Variants in STOX2 observed in about 807,000 individuals in gnomAD.
The protein encoded by STOX2 is storkhead-box protein 2.
Under a neutral mutation model 60.9 loss-of-function variants are expected in STOX2, and 28 were observed. The ratio of observed to expected loss-of-function variants is 0.46; its 90% CI spans 0.34 to 0.63. STOX2 has a LOEUF of 0.63. STOX2 is among the 30% of genes least tolerant of loss of function. STOX2 has a pLI of 0.01. For missense variants in STOX2, 1,024 were observed against 1,187.7 expected (o/e 0.86, Z 2.03); for synonymous variants, 472 against 463.9 (o/e 1.02, Z -0.22).
intron 1 of STOX2, among the ~76,000 whole-genome samples, chr4:183,809,946 A>G (rs761550028): frequency 3.0e-4 from 45 of 152,210 alleles, no homozygotes; most frequent in Non-Finnish European, 5.9e-4. Flanking sequence ...CCAAAAAATT[A>G]TAGATAGGTT....
upstream of STOX2, among the ~76,000 whole-genome samples, chr4:183,902,982 G>A (rs529815244): frequency 4.1e-4 from 63 of 152,226 alleles, no homozygotes; most frequent in African/African-American, 1.3e-3. Flanking sequence ...CTCACCTCCC[G>A]TCTTTCATAT....
Position 183,798,072 on chromosome 4 carries a change from C to T in STOX2, c.364+17C>T, listed in dbSNP as rs570368531. The T allele has an allele frequency of 2.1e-4, 260 of 1,226,450 alleles. 3 individuals carry two copies. In the East Asian group the frequency reaches 8.3e-3, roughly 39 times the overall value. 76.0% of individuals were successfully genotyped at this position (1,226,450 alleles called of 1,614,324 possible). On this transcript the variant is annotated intron_variant, in intron 1 of 2. Coordinates refer to the STOX2 transcript ENST00000513034. ...GCTGCCTGGGTGAGTGCGACCGCCG[C>T]GCGCCCGTCCCGTCCCTTCCCACCG... is the stretch of plus-strand genomic sequence containing the variant.
At chr4:183,802,340 G>T (rs915447064) in intron 1 of STOX2, among the ~76,000 whole-genome samples, 1 of 152,120 alleles carries the variant, frequency 6.6e-6, no homozygotes, top group Non-Finnish European at 1.5e-5. Context: ...TTGCTTTCTT[G>T]AAGTGATTTC....
intron 1 of STOX2, among the ~76,000 whole-genome samples, chr4:183,800,970 C>G (rs1235190913): frequency 1.3e-5 from 2 of 152,206 alleles, no homozygotes; most frequent in Non-Finnish European, 2.9e-5. Context: ...ACAGTTGAGG[C>G]AAACCTACAC....
chr4:184,007,695 C>T (rs1733932981), intron 2 of STOX2, among the ~76,000 whole-genome samples: 1 of 152,192 alleles, frequency 6.6e-6, no homozygotes, highest in South Asian at 2.1e-4. Flanking sequence ...TCCAGAATCA[C>T]AATCTCAGCA....
intron 1 of STOX2, among the ~76,000 whole-genome samples, chr4:183,977,182 T>C (rs1732480969): frequency 6.7e-6 from 1 of 148,442 alleles, no homozygotes; most frequent in Non-Finnish European, 1.5e-5. Context: ...GGTAGTATAA[T>C]AGGTAGTATT....
chr4:183,999,708 G>A (rs765895737), intron 1 of STOX2, among the ~76,000 whole-genome samples: 13 of 152,162 alleles, frequency 8.5e-5, no homozygotes, highest in Non-Finnish European at 1.5e-4. Flanking sequence ...CCCAGGCCCT[G>A]CTGCCTGATT....
intron 1 of STOX2, among the ~76,000 whole-genome samples, chr4:183,936,084 C>T (rs1742582282): frequency 2.0e-5 from 3 of 152,226 alleles, no homozygotes; most frequent in Admixed American, 1.3e-4. Context: ...AAACAAGGGA[C>T]ATATAAATAA....
chr4:184,014,022 AC>A (rs1429106237), intron 3 of STOX2: 1 of 151,876 alleles, frequency 6.6e-6, no homozygotes, highest in African/African-American at 2.4e-5. Context: ...GGCATGAGCC[AC>A]CATGCCCAGC....
chr4:183,803,369 C>A (rs1346084018), intron 1 of STOX2, among the ~76,000 whole-genome samples: 1 of 151,936 alleles, frequency 6.6e-6, no homozygotes, highest in African/African-American at 2.4e-5. Context: ...AGCACCTAAG[C>A]CTGGCCTAGA....
At chr4:183,940,810 G>A (rs1275321104) in intron 1 of STOX2, among the ~76,000 whole-genome samples, 1 of 152,200 alleles carries the variant, frequency 6.6e-6, no homozygotes, top group African/African-American at 2.4e-5. Flanking sequence ...TAAACCTACT[G>A]TTTCTTCTAC....
At chr4:183,847,054 A>G (rs922600964) in intron 1 of STOX2, among the ~76,000 whole-genome samples, 3 of 152,236 alleles carry the variant, frequency 2.0e-5, no homozygotes, top group Non-Finnish European at 4.4e-5. Context: ...TCCCTCAAAC[A>G]TCTGGAACAA....
chr4:183,857,623 C>T (rs1209771327), intron 1 of STOX2, among the ~76,000 whole-genome samples: 3 of 152,096 alleles, frequency 2.0e-5, no homozygotes, highest in African/African-American at 7.2e-5. Flanking sequence ...ATCTTGTTAC[C>T]CCTTACCTCT....
intron 1 of STOX2, among the ~76,000 whole-genome samples, chr4:183,827,571 A>G (rs927358280): frequency 3.3e-5 from 5 of 152,150 alleles, no homozygotes; most frequent in Non-Finnish European, 7.4e-5. Flanking sequence ...CTTTAATGTA[A>G]TCAACACATG....
chr4:183,950,174 T>C (rs775021994), intron 1 of STOX2, among the ~76,000 whole-genome samples: 2 of 152,222 alleles, frequency 1.3e-5, no homozygotes, highest in Admixed American at 6.5e-5. Flanking sequence ...TTTCTCTTGG[T>C]AGATTAAGAC....
chr4:183,851,381 C>T (rs375935906), intron 1 of STOX2, among the ~76,000 whole-genome samples: 1 of 29,152 alleles, frequency 3.4e-5, no homozygotes, highest in Admixed American at 4.5e-4. Flanking sequence ...ATGAGAGAAA[C>T]GATGAGGGAA....
intron 1 of STOX2, among the ~76,000 whole-genome samples, chr4:183,920,997 T>C (rs998984067): frequency 3.3e-5 from 5 of 152,256 alleles, no homozygotes; most frequent in Non-Finnish European, 5.9e-5. Flanking sequence ...TTCTTTTGCT[T>C]ACTCATTTTC....
At chr4:183,964,796 C>T (rs746210676) in intron 1 of STOX2, among the ~76,000 whole-genome samples, 2 of 152,136 alleles carry the variant, frequency 1.3e-5, no homozygotes, top group Non-Finnish European at 2.9e-5. Context: ...ATTGGCCAGG[C>T]TGGTCTCAAA....
intron 1 of STOX2, among the ~76,000 whole-genome samples, chr4:183,882,026 T>G (rs772165897): frequency 6.6e-6 from 1 of 152,234 alleles, no homozygotes; most frequent in Non-Finnish European, 1.5e-5. Flanking sequence ...CTCGGACATA[T>G]GCGCTGTGGC....
Sources: allele counts gnomAD v4.1 joint callset (sites outside exome capture counted in the v4.1 genomes callset), GRCh38; gene constraint gnomAD v4.1.1; transcripts MANE v1.5; gene names NCBI Gene and HGNC (gene_info 2026-07-23, HGNC 2026-07-21).